Variants in CATSPERB observed in about 807,000 individuals in gnomAD.
The protein encoded by CATSPERB is cation channel sperm-associated auxiliary subunit beta.
CATSPERB carries 93 observed loss-of-function variants against 128.3 expected under a neutral mutation model. That is an observed-to-expected ratio of 0.72 (90% CI 0.61 to 0.86). The LOEUF (loss-of-function observed/expected upper bound fraction) is 0.86. CATSPERB is among the 40% of genes least tolerant of loss of function. The pLI is 0.00. For synonymous variants in CATSPERB, 381 were observed against 448.8 expected (o/e 0.85, Z 1.91); for missense variants, 1,153 against 1,329.5 (o/e 0.87, Z 2.06).
chr14:91,700,912 A>G (rs564190091), intron 7 of CATSPERB, among the ~76,000 whole-genome samples: 164 of 152,278 alleles, frequency 1.1e-3, no homozygotes, highest in African/African-American at 3.8e-3. Flanking sequence ...AAACCTCAGC[A>G]TCACACAATA....
At chr14:91,705,504 A>T (rs559740393) in intron 6 of CATSPERB, among the ~76,000 whole-genome samples, 3 of 152,350 alleles carry the variant, frequency 2.0e-5, no homozygotes, top group African/African-American at 7.2e-5. Context: ...GAATAGCAGC[A>T]CTAGTGGTGA....
intron 14 of CATSPERB, among the ~76,000 whole-genome samples, chr14:91,669,147 C>A (rs1023731086): frequency 6.6e-6 from 1 of 152,076 alleles, no homozygotes; most frequent in Non-Finnish European, 1.5e-5. Flanking sequence ...TTTAAGAAGA[C>A]CTAGAAACAG....
In CATSPERB at chr14:91,587,295, C is replaced by G. The variant is rs184736439; in HGVS notation, c.3058-19G>C. 91 of 1,587,066 alleles carry G rather than the reference C, an allele frequency of 5.7e-5. No individual in the cohort carries two copies. In the African/African-American group the frequency reaches 1.1e-3, roughly 19 times the overall value. On this transcript the variant is annotated intron_variant, in intron 25 of 26. Coordinates refer to ENST00000256343, the MANE Select transcript of CATSPERB (RefSeq NM_024764.4). ...CAGAGCCCTGTGGAAAAAAGCACAC[C>G]CAGTTGTTAGCAGCATCAACATGTA...
At position 91,668,170 on chromosome 14, in the gene CATSPERB, G is replaced by A. The variant is rs186572799; in HGVS notation, c.1287+1644C>T. ...GCATTTGGGGTGTCCTGTTTAGAGG[G>A]GAGATTGAGAGGTGAAGCCAGCTGG... On this transcript the variant is annotated intron_variant, in intron 14 of 26. Coordinates refer to ENST00000256343, the MANE Select transcript of CATSPERB (RefSeq NM_024764.4). Among the ~76,000 whole-genome samples, 985 of 152,314 alleles carry A rather than the reference G, an allele frequency of 6.5e-3. 8 individuals are homozygous for A. Among genetic ancestry groups the A allele is most frequent in the Non-Finnish European group, 0.011 (737 of 68,032 alleles).
Position 91,608,309 on chromosome 14 carries a change from CAT to C in CATSPERB, c.2692_2693del (p.Met898ValfsTer9), listed in dbSNP as rs772346645. On this transcript the variant is annotated frameshift_variant, in exon 22 of 27. Transcript: ENST00000256343. LOFTEE classifies it high-confidence loss of function. Reference sequence around the variant, plus strand: ...AGTTATTTACCTTTGACATGTGAAACATGTTTCTTGGTATGGGTTTGCTAGGA... The same window carrying C: ...AGTTATTTACCTTTGACATGTGAAACGTTTCTTGGTATGGGTTTGCTAGGA... The part of the protein sequence containing the change: ...ADPSKPIPRN[M>X]FHMSKKTGKF... The C allele has an allele frequency of 6.2e-7, 1 of 1,602,620 alleles. No homozygotes were observed. Among genetic ancestry groups the C allele is most frequent in the Non-Finnish European group, 8.5e-7 (1 of 1,170,986 alleles).
intron 5 of CATSPERB, among the ~76,000 whole-genome samples, chr14:91,714,293 G>GAAAAAAAAAA (rs1389596375): frequency 2.7e-5 from 2 of 74,008 alleles, no homozygotes; most frequent in African/African-American, 4.6e-5. Context: ...AAAAAAAAAA[G>GAAAAAAAAAA]AAAAAAAGAA....
In CATSPERB at chr14:91,636,327, C is replaced by CA. The variant is rs1418658831; in HGVS notation, c.1742+97dup. ...GCAGTGAGCTGTCATCGCACTACTG[C>CA]ACTCCAGCCTGGATGACAGAGCAAG... On this transcript the variant is annotated intron_variant, in intron 17 of 26. Coordinates refer to ENST00000256343, the MANE Select transcript of CATSPERB (RefSeq NM_024764.4). The CA allele has an allele frequency of 8.4e-6, 9 of 1,072,872 alleles. No individual in the cohort carries two copies. In the African/African-American group the frequency reaches 1.4e-4, roughly 17 times the overall value. The allele number at this position is 1,072,872 out of a possible 1,614,324, so 66.5% of individuals were successfully genotyped here. A position where few individuals can be genotyped will look rare whatever the true frequency, so the allele number is the denominator to read the frequency against.
intron 17 of CATSPERB, among the ~76,000 whole-genome samples, chr14:91,625,579 T>C (rs1170521048): frequency 3.3e-5 from 5 of 152,028 alleles, no homozygotes; most frequent in East Asian, 1.9e-4. Flanking sequence ...AAAATGATCA[T>C]ATTATAATGT....
chr14:91,663,070 T>C (rs1356752635), intron 14 of CATSPERB, among the ~76,000 whole-genome samples: 1 of 152,100 alleles, frequency 6.6e-6, no homozygotes, highest in African/African-American at 2.4e-5. Flanking sequence ...TTCTCCTTCC[T>C]CCTCCCTCCT....
chr14:91,596,030 G>A (rs180890253), intron 22 of CATSPERB, among the ~76,000 whole-genome samples: 86 of 152,124 alleles, frequency 5.7e-4, no homozygotes, highest in Admixed American at 3.4e-3. Flanking sequence ...GATTACTTCC[G>A]TTTTCTATTG....
At chr14:91,654,648 C>G (rs1262849542) in intron 15 of CATSPERB, among the ~76,000 whole-genome samples, 1 of 152,178 alleles carries the variant, frequency 6.6e-6, no homozygotes. Flanking sequence ...CAGATGGCAT[C>G]TCTGGACCTA....
intron 14 of CATSPERB, among the ~76,000 whole-genome samples, chr14:91,662,790 G>A (rs1268206384): frequency 1.4e-4 from 21 of 152,124 alleles, no homozygotes; most frequent in Admixed American, 1.4e-3. Flanking sequence ...TTCCCTGATT[G>A]CTTGTGAACT....
chr14:91,664,561 A>G (rs1894946945), intron 14 of CATSPERB, among the ~76,000 whole-genome samples: 1 of 152,058 alleles, frequency 6.6e-6, no homozygotes, highest in Non-Finnish European at 1.5e-5. Flanking sequence ...TGTCTTTTAC[A>G]TGGCTTGATA....
At chr14:91,634,885 A>C (rs1894344632) in intron 17 of CATSPERB, among the ~76,000 whole-genome samples, 1 of 150,830 alleles carries the variant, frequency 6.6e-6, no homozygotes, top group South Asian at 2.1e-4. Flanking sequence ...ATCTTAGTCT[A>C]TCTGGGCTGC....
At chr14:91,670,979 G>A (rs1040509256) in intron 13 of CATSPERB, among the ~76,000 whole-genome samples, 3 of 151,956 alleles carry the variant, frequency 2.0e-5, no homozygotes, top group African/African-American at 7.3e-5. Flanking sequence ...CTCCAGCCTG[G>A]GTGACAGGGA....
intron 15 of CATSPERB, among the ~76,000 whole-genome samples, chr14:91,657,446 G>A (rs1264325357): frequency 1.3e-5 from 2 of 151,980 alleles, no homozygotes; most frequent in Non-Finnish European, 2.9e-5. Flanking sequence ...AACTATCCAC[G>A]ACATTAATCT....
At chr14:91,587,487 T>TTTTTTTTTTTTTTTTTTG (rs1893324625) in intron 25 of CATSPERB, among the ~76,000 whole-genome samples, 1 of 110,698 alleles carries the variant, frequency 9.0e-6, no homozygotes, top group Non-Finnish European at 2.2e-5. Context: ...CTTTTTTTTT[T>TTTTTTTTTTTTTTTTTTG]TTTTTTTTTT....
chr14:91,618,788 TA>T (rs972401934), intron 19 of CATSPERB, among the ~76,000 whole-genome samples: 1 of 152,254 alleles, frequency 6.6e-6, no homozygotes, highest in Admixed American at 6.5e-5. Context: ...CCAGAGTTTA[TA>T]AACACCTGCA....
chr14:91,728,580 CT>C, intron 2 of CATSPERB, among the ~76,000 whole-genome samples: 1 of 152,162 alleles, frequency 6.6e-6, no homozygotes. Flanking sequence ...CAATTTCAAA[CT>C]TTTCTAACTT....
Sources: allele counts gnomAD v4.1 joint callset (sites outside exome capture counted in the v4.1 genomes callset), GRCh38; gene constraint gnomAD v4.1.1; transcripts MANE v1.5; gene names NCBI Gene and HGNC (gene_info 2026-07-23, HGNC 2026-07-21).